Variants in LMTK3 observed in about 807,000 individuals in gnomAD.
LMTK3 encodes serine/threonine-protein kinase LMTK3.
LMTK3 carries 27 observed loss-of-function variants against 116.7 expected under a neutral mutation model. That is an observed-to-expected ratio of 0.23 (90% CI 0.17 to 0.32). LMTK3 has a LOEUF of 0.32. Among genes scored for constraint, LMTK3 ranks in the 10% least tolerant of loss-of-function variants. LMTK3 has a pLI of 1.00. For synonymous variants in LMTK3, 965 were observed against 971.0 expected (o/e 0.99, Z 0.11); for missense variants, 1,764 against 2,068.5 (o/e 0.85, Z 2.86).
upstream of LMTK3, among the ~76,000 whole-genome samples, chr19:48,512,018 G>T (rs555129406): frequency 3.0e-5 from 4 of 134,768 alleles, no homozygotes; most frequent in Non-Finnish European, 6.3e-5. Flanking sequence ...ATGGGAGGGG[G>T]AGGGACAGAC....
chr19:48,485,725 T>A lies in LMTK3; in HGVS notation c.*48A>T. 6.3e-7 allele frequency: 1 copy of A among 1,596,498 alleles called. No homozygotes were observed. The highest frequency in any genetic ancestry group is 8.5e-7 in the Non-Finnish European group (1 of 1,170,108). On this transcript the variant is annotated 3_prime_UTR_variant, in exon 15 of 15. Transcript: ENST00000600059. Reference sequence around the variant, plus strand: ...GCGCCGTCATCCACAGAGGATTCCATTCTCAACCCCTCTTCTGAGGGTGCA... The same window carrying A: ...GCGCCGTCATCCACAGAGGATTCCAATCTCAACCCCTCTTCTGAGGGTGCA...
chr19:48,499,343 C>T lies in LMTK3; in HGVS notation c.1726G>A (p.Val576Ile). The T allele has an allele frequency of 7.0e-7, 1 of 1,419,688 alleles. No homozygotes were observed. The highest frequency in any genetic ancestry group is 9.2e-7 in the Non-Finnish European group (1 of 1,081,676). 87.9% of individuals were successfully genotyped at this position (1,419,688 alleles called of 1,614,324 possible). A position where few individuals can be genotyped will look rare whatever the true frequency, so the allele number is the denominator to read the frequency against. ...CAGGTCTCGGACACCAGCTGGGGGA[C>T]CTCGGAGGGGGCCTGGGGGGCCTGA... ...APQAPQAPSE[V>I]PQLVSETWAS... is the part of the protein sequence containing the mutation. Residue 576 changes from valine to isoleucine, a missense_variant, in exon 11 of 15, where the codon GTC (valine) becomes ATC (isoleucine). Val to Ile is a conservative substitution (Grantham distance 29, BLOSUM62 3). Transcript: ENST00000600059.
intron 7 of LMTK3, 119 bp downstream of exon 7, chr19:48,502,314 C>T (rs1309899825): frequency 6.6e-6 from 8 of 1,218,506 alleles, no homozygotes; most frequent in South Asian, 5.9e-5. Flanking sequence ...CTCCTCGGTT[C>T]GTCCCTATTT....
chr19:48,486,131 C>G (rs12462736), intron 14 of LMTK3, among the ~76,000 whole-genome samples: 5,464 of 132,598 alleles, frequency 0.041, 264 homozygotes, highest in Middle Eastern at 0.18. Flanking sequence ...GCGATCTCGG[C>G]TCACTGCAAG....
At chr19:48,493,024 C>A (rs1386028572) in intron 12 of LMTK3, among the ~76,000 whole-genome samples, 2 of 151,966 alleles carry the variant, frequency 1.3e-5, no homozygotes, top group Non-Finnish European at 2.9e-5. Context: ...CCCGCCTTCA[C>A]CCCTCAGGCC....
At position 48,499,779 on chromosome 19, in the gene LMTK3, G is replaced by C. The variant is rs1972428622; in HGVS notation, c.1290C>G (p.Pro430=). ...PPPPPPPRDG[P]FPWPWPPAHS... is the part of the protein sequence containing the mutation. ...GTGCAGGGGGCCAGGGCCAGGGGAA[G>C]GGACCGTCTCGGGGTGGGGGTGGCG... Residue 430 remains proline, a synonymous_variant, in exon 11 of 15, where the codon CCC becomes CCG. Transcript: ENST00000600059. The C allele has an allele frequency of 6.5e-7, 1 of 1,536,320 alleles. No individual in the cohort carries two copies. Among genetic ancestry groups the C allele is most frequent in the African/African-American group, 1.4e-5 (1 of 72,400 alleles).
intron 5 of LMTK3, among the ~76,000 whole-genome samples, chr19:48,506,609 C>T (rs113290796): frequency 0.031 from 4,663 of 152,292 alleles, 245 homozygotes; most frequent in African/African-American, 0.11. Context: ...GCTGTTTATG[C>T]TGTGTGTCCT....
Position 48,493,856 on chromosome 19 carries a change from C to G in LMTK3, c.3930G>C (p.Pro1310=). ...CGGCGCTGCTCACCACGACGGGCACCGGGGCTGCTCGCGCCCTCCCGGGGC... is the reference window on the plus strand; with the variant it reads ...CGGCGCTGCTCACCACGACGGGCACGGGGGCTGCTCGCGCCCTCCCGGGGC... ...PRGPGRARAA[P]VPVVVSSADA... The change falls in exon 12 of 15, where the codon CCG becomes CCC. Residue 1310 remains proline, a synonymous_variant. Coordinates refer to ENST00000600059, the MANE Select transcript of LMTK3 (RefSeq NM_001388485.1). 8.1e-7 allele frequency: 1 copy of G among 1,242,130 alleles called. No homozygotes were observed. The highest frequency in any genetic ancestry group is 1.6e-5 in the African/African-American group (1 of 63,546). The allele number at this position is 1,242,130 out of a possible 1,614,324, so 76.9% of individuals were successfully genotyped here. A position where few individuals can be genotyped will look rare whatever the true frequency, so the allele number is the denominator to read the frequency against.
intron 2 of LMTK3, 63 bp downstream of exon 2, chr19:48,510,396 T>G (rs1244123069): frequency 1.3e-6 from 2 of 1,541,552 alleles, no homozygotes; most frequent in African/African-American, 1.4e-5. Context: ...CAACCACCTG[T>G]GTAGGGGGTA....
intron 7 of LMTK3, 138 bp from the exon 8 acceptor site, chr19:48,501,700 C>T: frequency 1.1e-6 from 1 of 873,092 alleles, no homozygotes; most frequent in South Asian, 1.5e-5. Flanking sequence ...TGATCTGTCT[C>T]TCCCCTCTGA....
At chr19:48,502,136 C>A (rs1190495864) in intron 7 of LMTK3, among the ~76,000 whole-genome samples, 1 of 129,364 alleles carries the variant, frequency 7.7e-6, no homozygotes, top group Non-Finnish European at 1.6e-5. Context: ...GGTTCTTCCT[C>A]CTCCTCCCCT....
Position 48,497,919 on chromosome 19 carries a change from G to A in LMTK3, c.3150C>T (p.Thr1050=). The change falls in exon 11 of 15, where the codon ACC becomes ACT. Residue 1050 remains threonine (T), a synonymous_variant. Coordinates refer to ENST00000600059, the MANE Select transcript of LMTK3 (RefSeq NM_001388485.1). The surrounding 1 kb of genome is among the most constrained non-coding windows in gnomAD (Gnocchi z 5.7). ...TGGGTGCAGGGGCTCTCTCCAGAGA[G>A]GTCTCTGGGGCTGGCTCCCCGATCG... ...APTIGEPAPE[T]SLERAPAPSA... is the part of the protein sequence containing the mutation. The A allele has an allele frequency of 1.3e-6, 2 of 1,525,080 alleles. No homozygotes were observed. The highest frequency in any genetic ancestry group is 2.6e-5 in the South Asian group (2 of 77,282). 94.5% of individuals were successfully genotyped at this position (1,525,080 alleles called of 1,614,324 possible). A position where few individuals can be genotyped will look rare whatever the true frequency, so the allele number is the denominator to read the frequency against.
At chr19:48,505,280 A>C (rs1972549592) in intron 5 of LMTK3, among the ~76,000 whole-genome samples, 1 of 151,402 alleles carries the variant, frequency 6.6e-6, no homozygotes, top group Admixed American at 6.6e-5. Flanking sequence ...TGCCTGGCTA[A>C]TTTTTATATT....
chr19:48,495,004 GTGTTTTTTT>G (rs1356232247), intron 11 of LMTK3, among the ~76,000 whole-genome samples: 1 of 150,342 alleles, frequency 6.7e-6, no homozygotes, highest in Non-Finnish European at 1.5e-5. Flanking sequence ...CATAGAGGGA[GTGTTTTTTT>G]TGTTTTTTTT....
chr19:48,495,835 C>A (rs1318913676), intron 11 of LMTK3, among the ~76,000 whole-genome samples: 1 of 152,258 alleles, frequency 6.6e-6, no homozygotes. Context: ...CACATCTAAA[C>A]AAGGGCTATT....
chr19:48,493,914 G>GCCTCCTCGTCCTCCTCCT lies in LMTK3; in HGVS notation c.3854_3871dup (p.Glu1285_Glu1290dup). 1 of 1,028,984 alleles carries GCCTCCTCGTCCTCCTCCT rather than the reference G, an allele frequency of 9.7e-7. No individual in the cohort carries two copies. Among genetic ancestry groups the GCCTCCTCGTCCTCCTCCT allele is most frequent in the Admixed American group, 5.7e-5 (1 of 17,478 alleles). The allele number at this position is 1,028,984 out of a possible 1,614,324, so 63.7% of individuals were successfully genotyped here. A position where few individuals can be genotyped will look rare whatever the true frequency, so the allele number is the denominator to read the frequency against. The stretch of plus-strand genomic sequence containing the variant: ...CCCCGCCGCCGCGCCCGGCGCCGCC[G>GCCTCCTCGTCCTCCTCCT]CCTCCTCGTCCTCCTCCTCGTCCTC... On this transcript the variant is annotated inframe_insertion, in exon 12 of 15. Coordinates refer to ENST00000600059, the MANE Select transcript of LMTK3 (RefSeq NM_001388485.1).
In LMTK3 at chr19:48,498,246, C is replaced by G; in HGVS notation, c.2823G>C (p.Glu941Asp). The G allele has an allele frequency of 6.2e-7, 1 of 1,613,654 alleles. No individual in the cohort carries two copies. The highest frequency in any genetic ancestry group is 1.1e-5 in the South Asian group (1 of 91,080). Residue 941 changes from glutamate (E) to aspartate (D), a missense_variant, in exon 11 of 15, where the codon GAG (glutamate) becomes GAC (aspartate). Physicochemically the swap from Glu to Asp is conservative, Grantham distance 45. Coordinates refer to ENST00000600059, the MANE Select transcript of LMTK3 (RefSeq NM_001388485.1). ...NGDQRAPGIEEKAAENGALGS... is the reference protein window; with the variant it reads ...NGDQRAPGIEDKAAENGALGS... ...CCAGGGCCCCATTCTCCGCCGCCTTCTCCTCGATGCCTGGGGCTCTCTGGT... is the reference window on the plus strand; with the variant it reads ...CCAGGGCCCCATTCTCCGCCGCCTTGTCCTCGATGCCTGGGGCTCTCTGGT...
At chr19:48,488,453 C>T (rs1569098301) in intron 14 of LMTK3, among the ~76,000 whole-genome samples, 1 of 152,116 alleles carries the variant, frequency 6.6e-6, no homozygotes, top group Non-Finnish European at 1.5e-5. Flanking sequence ...AGTCTTCCTA[C>T]ACCCAACATT....
intron 12 of LMTK3, among the ~76,000 whole-genome samples, chr19:48,492,014 C>T (rs1226804969): frequency 6.6e-6 from 1 of 152,094 alleles, no homozygotes; most frequent in Non-Finnish European, 1.5e-5. Flanking sequence ...AGACCTGCTC[C>T]CGCCCTCCAA....
Sources: allele counts gnomAD v4.1 joint callset (sites outside exome capture counted in the v4.1 genomes callset), GRCh38; gene constraint gnomAD v4.1.1; non-coding constraint Gnocchi (gnomAD v3.1); transcripts MANE v1.5; gene names NCBI Gene and HGNC (gene_info 2026-07-23, HGNC 2026-07-21).